SYTL2: variants seen among roughly 807,000 people sequenced by gnomAD.
The protein encoded by SYTL2 is synaptotagmin-like protein 2.
SYTL2 carries 165 observed loss-of-function variants against 198.7 expected under a neutral mutation model. The ratio of observed to expected loss-of-function variants is 0.83; its 90% CI spans 0.73 to 0.94. SYTL2 has a LOEUF of 0.94. Among genes scored for constraint, SYTL2 ranks in the 40% least tolerant of loss-of-function variants. The pLI, the probability that SYTL2 is intolerant of heterozygous loss-of-function variation, is 0.00. For missense variants in SYTL2, 2,835 were observed against 2,582.8 expected (o/e 1.10, Z -2.12); for synonymous variants, 966 against 917.7 (o/e 1.05, Z -0.95).
chr11:85,829,864 A>G, the SYTL2 span, among the ~76,000 whole-genome samples: 1 of 152,212 alleles, frequency 6.6e-6, no homozygotes, highest in African/African-American at 2.4e-5. Context: ...TGATGTTTCA[A>G]GTAAAATTTC....
Position 85,748,395 on chromosome 11 carries a change from G to A in SYTL2, c.130C>T (p.Gln44Ter), listed in dbSNP as rs2091304380. ...TGGCCACTCATATTCTTCAGCTGCT[G>A]GTCATCCTTAATTTTTTCAGGCAAA... The part of the protein sequence containing the change: ...RHLPEKIKDD[Q>*]QLKNMSGQWF... Residue 44 changes from glutamine to a stop codon, truncating the protein, a stop_gained, in exon 3 of 20, where the codon CAG becomes TAG. Transcript: ENST00000359152. LOFTEE classifies it high-confidence loss of function. The A allele has an allele frequency of 4.3e-6, 7 of 1,613,816 alleles. No homozygotes were observed. Among genetic ancestry groups the A allele is most frequent in the Non-Finnish European group, 5.9e-6 (7 of 1,179,868 alleles).
chr11:85,717,815 G>A (rs2087608669), intron 10 of SYTL2: 1 of 463,652 alleles, frequency 2.2e-6, no homozygotes, highest in Non-Finnish European at 4.2e-6. Flanking sequence ...TGGACTAGGA[G>A]TAATGAAGCT....
At chr11:85,746,016 G>C (rs1181484234) in intron 3 of SYTL2, among the ~76,000 whole-genome samples, 1 of 152,160 alleles carries the variant, frequency 6.6e-6, no homozygotes, top group Non-Finnish European at 1.5e-5. Flanking sequence ...AAATGTGAGA[G>C]TAACTCCAGA....
Position 85,708,829 on chromosome 11 carries a change from T to C in SYTL2, c.5915+502A>G, listed in dbSNP as rs111478017. 3.9e-4 allele frequency among the ~76,000 whole-genome samples: 58 copies of C among 147,398 alleles called. 1 individual carries two copies. The highest frequency in any genetic ancestry group is 1.3e-3 in the African/African-American group (53 of 39,950). ...TTTCCAAGTTGAAACATTTTGTGCT[T>C]CTCTGTGATTTTTTTTTTTTTTTTT... On this transcript the variant is annotated intron_variant, in intron 14 of 19. Transcript: ENST00000359152.
upstream of SYTL2, among the ~76,000 whole-genome samples, chr11:85,812,389 T>G (rs1016095587): frequency 3.3e-5 from 5 of 152,230 alleles, no homozygotes; most frequent in Non-Finnish European, 7.3e-5. Flanking sequence ...CCTGGCACTG[T>G]GCAGAGATGT....
intron 12 of SYTL2, among the ~76,000 whole-genome samples, chr11:85,713,631 A>G (rs1234386531): frequency 3.9e-5 from 6 of 152,196 alleles, no homozygotes; most frequent in African/African-American, 1.4e-4. Flanking sequence ...GATTTGGGGA[A>G]AGTTATTTAA....
chr11:85,849,652 G>C, the SYTL2 span, among the ~76,000 whole-genome samples: 11 of 147,856 alleles, frequency 7.4e-5, no homozygotes, highest in African/African-American at 2.7e-4. Flanking sequence ...CTATATCTCT[G>C]TTTTGGTACC....
chr11:85,834,147 T>C, the SYTL2 span, among the ~76,000 whole-genome samples: 2 of 151,970 alleles, frequency 1.3e-5, no homozygotes, highest in Admixed American at 1.3e-4. Context: ...AAATAAAATA[T>C]AGAATCAGAA....
At chr11:85,834,758 T>C in the SYTL2 span, among the ~76,000 whole-genome samples, 1 of 133,390 alleles carries the variant, frequency 7.5e-6, no homozygotes, top group Non-Finnish European at 1.6e-5. Context: ...GCTTTTCTTT[T>C]TCTTTTTTTT....
intron 1 of SYTL2, among the ~76,000 whole-genome samples, chr11:85,762,588 C>G (rs369529755): frequency 1.3e-5 from 2 of 152,350 alleles, no homozygotes. Flanking sequence ...ACTCTCCAAG[C>G]TCTTTTCCTT....
the SYTL2 span, among the ~76,000 whole-genome samples, chr11:85,841,594 T>G: frequency 1.3e-5 from 2 of 152,170 alleles, 1 homozygote; most frequent in South Asian, 4.1e-4. Flanking sequence ...CCACATGTTC[T>G]CATTTATAAG....
the SYTL2 span, among the ~76,000 whole-genome samples, chr11:85,832,447 T>C: frequency 2.6e-5 from 4 of 152,218 alleles, no homozygotes; most frequent in African/African-American, 9.6e-5. Context: ...CGTTAGATGT[T>C]AGACATATAG....
intron 1 of SYTL2, among the ~76,000 whole-genome samples, chr11:85,799,037 T>C (rs908525437): frequency 6.6e-6 from 1 of 152,230 alleles, no homozygotes; most frequent in African/African-American, 2.4e-5. Context: ...ACTATGTTAA[T>C]TCTTTTCTGC....
At chr11:85,788,601 G>C (rs1167416840) in intron 1 of SYTL2, among the ~76,000 whole-genome samples, 1 of 152,120 alleles carries the variant, frequency 6.6e-6, no homozygotes, top group Non-Finnish European at 1.5e-5. Flanking sequence ...CTGGGTTCCA[G>C]AGACCCTTAG....
At chr11:85,702,266 T>C (rs1415236733) in intron 16 of SYTL2, among the ~76,000 whole-genome samples, 2 of 151,870 alleles carry the variant, frequency 1.3e-5, no homozygotes, top group Admixed American at 6.6e-5. Flanking sequence ...CTCAGTTCAT[T>C]GCAACCACCA....
In SYTL2 at chr11:85,744,985, C is replaced by T. The variant is rs191684264; in HGVS notation, c.389+652G>A. Among the ~76,000 whole-genome samples, 436 of 151,172 alleles carry T rather than the reference C, an allele frequency of 2.9e-3. 2 individuals are homozygous for T. Among genetic ancestry groups the T allele is most frequent in the Non-Finnish European group, 4.8e-3 (327 of 67,800 alleles). On this transcript the variant is annotated intron_variant, in intron 4 of 19. Transcript: ENST00000359152. ...CAGATAACAACATGTAGGAAAAACA[C>T]CAAAAAACCCCAAGACTATAATATT...
intron 1 of SYTL2, among the ~76,000 whole-genome samples, chr11:85,771,217 C>A (rs987043713): frequency 3.9e-5 from 6 of 152,152 alleles, no homozygotes; most frequent in African/African-American, 1.4e-4. Flanking sequence ...GACTTCCTGA[C>A]CGGTGTAGTC....
Position 85,776,929 on chromosome 11 carries a change from G to A in SYTL2, c.-389-18815C>T, listed in dbSNP as rs949430465. 7.2e-5 allele frequency among the ~76,000 whole-genome samples: 11 copies of A among 152,188 alleles called. 1 individual carries two copies. Among genetic ancestry groups the A allele is most frequent in the Non-Finnish European group, 5.9e-5 (4 of 68,026 alleles). On this transcript the variant is annotated intron_variant, in intron 1 of 19. Coordinates refer to ENST00000359152, the MANE Select transcript of SYTL2 (RefSeq NM_206927.4). Reference sequence around the variant, plus strand: ...TATTTAAGTGTCAGCTCTGTGGTTAGAGGGGTAGTGAAGAGATCAGGGCAA... The same window carrying A: ...TATTTAAGTGTCAGCTCTGTGGTTAAAGGGGTAGTGAAGAGATCAGGGCAA...
At position 85,726,310 on chromosome 11, in the gene SYTL2, A is replaced by T. The variant is rs746601573; in HGVS notation, c.3048T>A (p.Asn1016Lys). ...CGCTGAATTCCTTGTGTTTCTGCCT[A>T]TTAAAAGGTGCAGAATTTTTTTGGC... The part of the protein sequence containing the change: ...TTSQKNSAPF[N>K]RQKHKEFSDI... Residue 1016 changes from asparagine (N) to lysine (K), a missense_variant, in exon 8 of 20, where the codon AAT becomes AAA. Coordinates refer to ENST00000359152, the MANE Select transcript of SYTL2 (RefSeq NM_206927.4). The T allele has an allele frequency of 1.9e-6, 3 of 1,613,916 alleles. No homozygotes were observed. The African/African-American group carries it at 4.0e-5, about 22-fold the overall frequency.
Sources: allele counts gnomAD v4.1 joint callset (sites outside exome capture counted in the v4.1 genomes callset), GRCh38; gene constraint gnomAD v4.1.1; transcripts MANE v1.5; gene names NCBI Gene and HGNC (gene_info 2026-07-23, HGNC 2026-07-21).